SAMD8: variants seen among roughly 807,000 people sequenced by gnomAD.
SAMD8 encodes sphingomyelin synthase-related protein 1.
A neutral mutation model predicts 42.0 loss-of-function variants in SAMD8; 20 were observed. The ratio of observed to expected loss-of-function variants is 0.48; its 90% CI spans 0.34 to 0.69. The LOEUF (loss-of-function observed/expected upper bound fraction) is 0.69, where lower values mean the gene tolerates loss of function less well. Among genes scored for constraint, SAMD8 ranks in the 30% least tolerant of loss-of-function variants. SAMD8 has a pLI of 0.01. For missense variants in SAMD8, 328 were observed against 511.6 expected (o/e 0.64, Z 3.46); for synonymous variants, 162 against 173.0 (o/e 0.94, Z 0.50).
chr10:75,118,487 T>C (rs535272699), intron 1 of SAMD8, among the ~76,000 whole-genome samples: 2 of 152,176 alleles, frequency 1.3e-5, no homozygotes, highest in Admixed American at 6.5e-5. Context: ...CTACTAAAAA[T>C]ATAAAAATTA....
chr10:75,144,167 A>G (rs12570684), intron 1 of SAMD8, among the ~76,000 whole-genome samples: 1 of 147,778 alleles, frequency 6.8e-6, no homozygotes, highest in Non-Finnish European at 1.5e-5. Context: ...TGGGGTTTTC[A>G]CAGTGTTAGC....
chr10:75,165,948 C>T (rs1164460716), intron 3 of SAMD8, among the ~76,000 whole-genome samples: 6 of 130,108 alleles, frequency 4.6e-5, no homozygotes, highest in African/African-American at 1.5e-4. Context: ...TGCACTCCAG[C>T]GTGGGGTGAC....
At chr10:75,155,059 T>A (rs1413886918) in intron 2 of SAMD8, among the ~76,000 whole-genome samples, 1 of 152,086 alleles carries the variant, frequency 6.6e-6, no homozygotes, top group Non-Finnish European at 1.5e-5. Flanking sequence ...ACCTGCCTGA[T>A]TTTTAAATCT....
chr10:75,169,663 C>T (rs1781041883), intron 4 of SAMD8, among the ~76,000 whole-genome samples: 1 of 152,210 alleles, frequency 6.6e-6, no homozygotes, highest in Non-Finnish European at 1.5e-5. Context: ...CCTGTAATCC[C>T]AGCACTTTGG....
chr10:75,106,101 C>CTTTTT (rs767630456), intron 1 of SAMD8, among the ~76,000 whole-genome samples: 137 of 122,788 alleles, frequency 1.1e-3, no homozygotes, highest in Non-Finnish European at 2.0e-3. Context: ...TCTTTCTTTT[C>CTTTTT]TTTTTTTTTT....
intron 1 of SAMD8, among the ~76,000 whole-genome samples, chr10:75,130,721 G>A (rs1453373108): frequency 6.6e-6 from 1 of 152,096 alleles, no homozygotes; most frequent in Non-Finnish European, 1.5e-5. Flanking sequence ...TAAATAATTT[G>A]TGTAAAGCAA....
At chr10:75,147,927 G>A (rs1435067483) in intron 1 of SAMD8, among the ~76,000 whole-genome samples, 3 of 152,206 alleles carry the variant, frequency 2.0e-5, no homozygotes, top group Non-Finnish European at 2.9e-5. Flanking sequence ...GACATTTGAG[G>A]TGGTGATGAT....
intron 2 of SAMD8, among the ~76,000 whole-genome samples, chr10:75,159,004 A>G (rs1208511902): frequency 6.6e-6 from 1 of 151,772 alleles, no homozygotes; most frequent in African/African-American, 2.4e-5. Flanking sequence ...TATTATTAAT[A>G]ATGCTGCTAT....
intron 1 of SAMD8, chr10:75,105,930 T>G (rs1848474451): frequency 1.3e-6 from 2 of 1,490,768 alleles, no homozygotes; most frequent in Admixed American, 4.0e-5. Context: ...CGGGCTGGGA[T>G]GGGGACCCAA....
At chr10:75,164,580 C>T (rs1194746867) in intron 2 of SAMD8, 65 bp from the exon 3 acceptor site, 7 of 1,560,854 alleles carry the variant, frequency 4.5e-6, no homozygotes, top group Non-Finnish European at 6.1e-6. Flanking sequence ...GAGCACCTTA[C>T]TGAAAAGGGT....
intron 1 of SAMD8, among the ~76,000 whole-genome samples, chr10:75,112,230 G>A (rs1014280503): frequency 6.6e-6 from 1 of 152,200 alleles, no homozygotes; most frequent in African/African-American, 2.4e-5. Flanking sequence ...ACCCCGGGTG[G>A]GGCTGGTGGT....
chr10:75,119,243 C>T (rs941487223), intron 1 of SAMD8, among the ~76,000 whole-genome samples: 1 of 151,868 alleles, frequency 6.6e-6, no homozygotes, highest in Non-Finnish European at 1.5e-5. Context: ...CTGCAACCTC[C>T]GCCTCCTGGG....
chr10:75,141,665 C>T (rs1412419507), intron 1 of SAMD8, among the ~76,000 whole-genome samples: 1 of 151,778 alleles, frequency 6.6e-6, no homozygotes, highest in Non-Finnish European at 1.5e-5. Context: ...CCTCAGCCTC[C>T]CGAGTAGCTG....
intron 1 of SAMD8, among the ~76,000 whole-genome samples, chr10:75,113,364 C>A (rs1848814486): frequency 6.6e-6 from 1 of 151,420 alleles, no homozygotes; most frequent in South Asian, 2.1e-4. Flanking sequence ...TTTCTTTTCT[C>A]TTCCTTCTTT....
At chr10:75,120,917 A>G (rs1214341272) in intron 1 of SAMD8, among the ~76,000 whole-genome samples, 1 of 151,012 alleles carries the variant, frequency 6.6e-6, no homozygotes, top group Non-Finnish European at 1.5e-5. Flanking sequence ...AGTAGCTGGG[A>G]CTACTGTCGT....
intron 4 of SAMD8, among the ~76,000 whole-genome samples, chr10:75,175,219 A>G (rs1207055988): frequency 6.6e-6 from 1 of 152,254 alleles, no homozygotes; most frequent in Non-Finnish European, 1.5e-5. Context: ...CTTATTGTAC[A>G]GAACTTAGTC....
At position 75,150,500 on chromosome 10, in the gene SAMD8, T is replaced by C; in HGVS notation, c.-15-14T>C. ...CTGAAGCTTTTGTTTTGTTTTCCTG[T>C]TTTCTCTCTACAGGCAGCGGAGGAG... is the stretch of plus-strand genomic sequence containing the variant. On this transcript the variant is annotated splice_polypyrimidine_tract_variant and intron_variant, in intron 1 of 5. Transcript: ENST00000542569. 1.3e-6 allele frequency: 2 copies of C among 1,576,022 alleles called. No homozygotes were observed. The highest frequency in any genetic ancestry group is 1.7e-6 in the Non-Finnish European group (2 of 1,165,540).
intron 1 of SAMD8, among the ~76,000 whole-genome samples, chr10:75,121,134 A>G (rs1848996803): frequency 6.6e-6 from 1 of 152,184 alleles, no homozygotes; most frequent in Non-Finnish European, 1.5e-5. Flanking sequence ...TAAGTGCATT[A>G]CATGTATAAT....
chr10:75,165,867 T>C (rs1487997874), intron 3 of SAMD8, among the ~76,000 whole-genome samples: 2 of 150,378 alleles, frequency 1.3e-5, no homozygotes, highest in African/African-American at 2.5e-5. Context: ...TCCCAGCTTC[T>C]CAGGAGGCTG....
Sources: allele counts gnomAD v4.1 joint callset (sites outside exome capture counted in the v4.1 genomes callset), GRCh38; gene constraint gnomAD v4.1.1; transcripts MANE v1.5; gene names NCBI Gene and HGNC (gene_info 2026-07-23, HGNC 2026-07-21).